Variants in PTPRG observed in about 807,000 individuals in gnomAD.
PTPRG encodes the protein receptor-type tyrosine-protein phosphatase gamma.
A neutral mutation model predicts 165.3 loss-of-function variants in PTPRG; 102 were observed. The ratio of observed to expected loss-of-function variants is 0.62; its 90% CI spans 0.53 to 0.73. The LOEUF is 0.73. PTPRG is among the 30% of genes least tolerant of loss of function. PTPRG has a pLI of 0.00. For synonymous variants in PTPRG, 675 were observed against 669.5 expected, an observed-to-expected ratio of 1.01 and a Z score of -0.13; for missense variants, 1,866 against 1,861.4, an observed-to-expected ratio of 1.00 and a Z score of -0.05.
chr3:61,960,479 A>C lies in PTPRG; in HGVS notation c.191-29146A>C, dbSNP rs1018901986. ...GCTTTTGGGGTGATTTTTCTGCATC[A>C]TTTGATCAAGTCATAAACCTAAGTT... On this transcript the variant is annotated intron_variant, in intron 2 of 29. Transcript: ENST00000474889. 3.4e-4 allele frequency among the ~76,000 whole-genome samples: 51 copies of C among 152,140 alleles called. 1 individual carries two copies. The highest frequency in any genetic ancestry group is 1.2e-3 in the African/African-American group (48 of 41,436).
At chr3:62,057,262 A>T (rs1700663934) in intron 4 of PTPRG, among the ~76,000 whole-genome samples, 1 of 152,212 alleles carries the variant, frequency 6.6e-6, no homozygotes, top group Admixed American at 6.5e-5. Flanking sequence ...ACCACAGCCA[A>T]TCTCAGCCAA....
chr3:61,677,173 A>C (rs1435701130), intron 1 of PTPRG, among the ~76,000 whole-genome samples: 3 of 149,080 alleles, frequency 2.0e-5, no homozygotes, highest in Non-Finnish European at 3.0e-5. Context: ...TGAACCCAGG[A>C]GGCAGAGGTT....
At chr3:62,119,588 G>A (rs542029137) in intron 5 of PTPRG, among the ~76,000 whole-genome samples, 4 of 152,012 alleles carry the variant, frequency 2.6e-5, no homozygotes, top group South Asian at 2.1e-4. Context: ...CGCTGGCATG[G>A]GTTGTGATTA....
rs549465834 is a variant in PTPRG, at chr3:61,941,673, C to A, written c.191-47952C>A. 1.2e-4 allele frequency among the ~76,000 whole-genome samples: 18 copies of A among 152,190 alleles called. No homozygotes were observed. In the East Asian group the frequency reaches 3.5e-3, roughly 29 times the overall value. Reference sequence around the variant, plus strand: ...GATTTATAGATGCCATAAAATATGACATTTTGCTGAACTAACCATTGAAAT... The same window carrying A: ...GATTTATAGATGCCATAAAATATGAAATTTTGCTGAACTAACCATTGAAAT... On this transcript the variant is annotated intron_variant, in intron 2 of 29. Transcript: ENST00000474889.
intron 2 of PTPRG, among the ~76,000 whole-genome samples, chr3:61,917,058 C>T (rs376406339): frequency 1.1e-4 from 17 of 152,242 alleles, no homozygotes; most frequent in African/African-American, 2.9e-4. Flanking sequence ...TGGAATGCTA[C>T]GGAATCAGCT....
At chr3:62,023,622 AC>A (rs1310424530) in intron 4 of PTPRG, among the ~76,000 whole-genome samples, 1 of 152,194 alleles carries the variant, frequency 6.6e-6, no homozygotes, top group Non-Finnish European at 1.5e-5. Context: ...TTTTTCGTGC[AC>A]AGTTACCAAA....
chr3:62,076,050 C>A, intron 4 of PTPRG, among the ~76,000 whole-genome samples: 1 of 151,988 alleles, frequency 6.6e-6, no homozygotes, highest in East Asian at 1.9e-4. Context: ...CCAGGGTGGG[C>A]GGATTGCTTG....
intron 1 of PTPRG, among the ~76,000 whole-genome samples, chr3:61,677,566 T>A (rs1703275666): frequency 6.6e-6 from 1 of 152,234 alleles, no homozygotes; most frequent in Admixed American, 6.5e-5. Context: ...TTAATTATAA[T>A]GTGTGCATAT....
intron 1 of PTPRG, among the ~76,000 whole-genome samples, chr3:61,586,446 A>T (rs904035037): frequency 1.3e-5 from 2 of 152,210 alleles, no homozygotes; most frequent in African/African-American, 4.8e-5. Context: ...AGGGGAATTG[A>T]AGGTGGTTTT....
In PTPRG at chr3:62,214,317, T is replaced by C. The variant is rs1270563128; in HGVS notation, c.2156-4534T>C. Reference sequence around the variant, plus strand: ...ATGCTGTTGCTAGGATGGTGGCGGGTGATGGTGTTGCCGAAGCTGGGGTGG... The same window carrying C: ...ATGCTGTTGCTAGGATGGTGGCGGGCGATGGTGTTGCCGAAGCTGGGGTGG... On this transcript the variant is annotated intron_variant, in intron 12 of 29. Coordinates refer to ENST00000474889, the MANE Select transcript of PTPRG (RefSeq NM_002841.4). This position sits in a 1 kb window ranked among gnomAD's most constrained non-coding sequence, Gnocchi z 5.2. Among the ~76,000 whole-genome samples, 1 of 151,996 alleles carries C rather than the reference T, an allele frequency of 6.6e-6. No individual in the cohort carries two copies. Among genetic ancestry groups the C allele is most frequent in the Non-Finnish European group, 1.5e-5 (1 of 68,002 alleles).
chr3:62,049,406 A>G (rs7622416), intron 4 of PTPRG, among the ~76,000 whole-genome samples: 2,320 of 152,320 alleles, frequency 0.015, 49 homozygotes, highest in African/African-American at 0.052. Context: ...TGAAAATCTT[A>G]TTCTGTTAAA....
chr3:62,267,659 T>C, intron 18 of PTPRG, 26 bp from the exon 19 acceptor site: 2 of 1,600,994 alleles, frequency 1.2e-6, no homozygotes, highest in African/African-American at 2.7e-5. Context: ...TGCTTTCATC[T>C]CACTTTGTGC....
intron 2 of PTPRG, among the ~76,000 whole-genome samples, chr3:61,890,754 T>C (rs972152827): frequency 2.0e-5 from 3 of 152,154 alleles, no homozygotes; most frequent in East Asian, 3.9e-4. Flanking sequence ...TTGAAATCCA[T>C]GTCAGTGCTT....
chr3:61,660,070 C>A (rs1165619529), intron 1 of PTPRG, among the ~76,000 whole-genome samples: 1 of 151,958 alleles, frequency 6.6e-6, no homozygotes, highest in East Asian at 1.9e-4. Flanking sequence ...ACTAAAAATA[C>A]AAAAATTAGC....
intron 6 of PTPRG, among the ~76,000 whole-genome samples, chr3:62,149,559 T>G (rs1262730413): frequency 1.3e-5 from 2 of 152,186 alleles, no homozygotes; most frequent in Non-Finnish European, 2.9e-5. Flanking sequence ...CATGAGCCAC[T>G]GCGCCCGGCC....
chr3:62,130,646 C>A (rs1425733797), intron 5 of PTPRG, among the ~76,000 whole-genome samples: 3 of 152,142 alleles, frequency 2.0e-5, no homozygotes, highest in Non-Finnish European at 2.9e-5. Context: ...TCTATTCTGG[C>A]CTCTTGAAAC....
chr3:62,175,130 T>A (rs545881757), intron 8 of PTPRG, among the ~76,000 whole-genome samples: 8 of 152,244 alleles, frequency 5.3e-5, no homozygotes, highest in Non-Finnish European at 1.2e-4. Flanking sequence ...TATGTAAATA[T>A]ATGAGTTGGT....
intron 1 of PTPRG, among the ~76,000 whole-genome samples, chr3:61,634,218 A>G (rs763736809): frequency 6.6e-6 from 1 of 151,782 alleles, no homozygotes; most frequent in Non-Finnish European, 1.5e-5. Context: ...CCAAAGTGCC[A>G]GGATTACAGG....
intron 2 of PTPRG, chr3:61,769,187 A>T (rs910651743): frequency 6.6e-6 from 1 of 152,162 alleles, no homozygotes; most frequent in African/African-American, 2.4e-5. Context: ...CTTCCTTAAG[A>T]GGGTGATGAT....
Sources: allele counts gnomAD v4.1 joint callset (sites outside exome capture counted in the v4.1 genomes callset), GRCh38; gene constraint gnomAD v4.1.1; non-coding constraint Gnocchi (gnomAD v3.1); transcripts MANE v1.5; gene names NCBI Gene and HGNC (gene_info 2026-07-23, HGNC 2026-07-21).